Variants in DAB1 observed in about 807,000 individuals in gnomAD.
The protein encoded by DAB1 is disabled homolog 1.
In DAB1, 15 loss-of-function variants were observed where a neutral mutation model predicts 64.6. The ratio of observed to expected loss-of-function variants is 0.23; its 90% CI spans 0.16 to 0.36. The LOEUF is 0.36. Ranked by LOEUF, DAB1 falls within the 10% of genes least tolerant of loss-of-function variation. The pLI, the probability that DAB1 is intolerant of heterozygous loss-of-function variation, is 1.00. For synonymous variants in DAB1, 235 were observed against 251.9 expected, an observed-to-expected ratio of 0.93 and a Z score of 0.64; for missense variants, 596 against 706.7, an observed-to-expected ratio of 0.84 and a Z score of 1.78.
At chr1:57,596,513 G>A (rs531824561) in intron 7 of DAB1, among the ~76,000 whole-genome samples, 51 of 151,436 alleles carry the variant, frequency 3.4e-4, no homozygotes, top group African/African-American at 8.0e-4. Flanking sequence ...TTAAAGAGCC[G>A]ATTACATGCC....
chr1:57,778,581 C>A, intron 6 of DAB1, among the ~76,000 whole-genome samples: 1 of 152,022 alleles, frequency 6.6e-6, no homozygotes, highest in Non-Finnish European at 1.5e-5. Context: ...ATTACTCTAA[C>A]ACATCTGGAG....
chr1:57,821,393 A>C (rs1652112329), downstream of DAB1, among the ~76,000 whole-genome samples: 1 of 151,972 alleles, frequency 6.6e-6, no homozygotes, highest in African/African-American at 2.4e-5. Context: ...TATCAAAAGC[A>C]GAGGCAATGA....
chr1:58,458,359 G>A (rs1645210920), intron 3 of DAB1, among the ~76,000 whole-genome samples: 1 of 152,184 alleles, frequency 6.6e-6, no homozygotes, highest in Non-Finnish European at 1.5e-5. Context: ...TTTGGAGATA[G>A]GTGTTGTTTC....
chr1:57,622,079 A>C (rs1435290684), intron 7 of DAB1, among the ~76,000 whole-genome samples: 1 of 152,228 alleles, frequency 6.6e-6, no homozygotes, highest in Non-Finnish European at 1.5e-5. Flanking sequence ...TTAAAGAAAC[A>C]TACAACAAAA....
chr1:57,392,164 G>A (rs1464438360), intron 1 of DAB1, among the ~76,000 whole-genome samples: 1 of 152,142 alleles, frequency 6.6e-6, no homozygotes, highest in Non-Finnish European at 1.5e-5. Context: ...ACAAGATCAG[G>A]AGATCGAGAC....
chr1:58,319,568 C>T (rs1662636997), intron 4 of DAB1, among the ~76,000 whole-genome samples: 1 of 152,188 alleles, frequency 6.6e-6, no homozygotes, highest in Non-Finnish European at 1.5e-5. Context: ...TGCAGAATGA[C>T]TTCTCTTTAT....
At chr1:57,606,559 ATATAT>A (rs796753817) in intron 7 of DAB1, among the ~76,000 whole-genome samples, 3 of 76,444 alleles carry the variant, frequency 3.9e-5, no homozygotes, top group East Asian at 4.4e-4. Flanking sequence ...ATAATATATT[ATATAT>A]TATATATGAA....
intron 5 of DAB1, among the ~76,000 whole-genome samples, chr1:58,087,321 A>G (rs1650379709): frequency 6.6e-6 from 1 of 152,228 alleles, no homozygotes; most frequent in African/African-American, 2.4e-5. Context: ...TTAACTTTCA[A>G]AGGAGGAGCA....
chr1:57,076,015 G>A (rs1281236846), intron 4 of DAB1, among the ~76,000 whole-genome samples: 1 of 152,162 alleles, frequency 6.6e-6, no homozygotes, highest in Non-Finnish European at 1.5e-5. Flanking sequence ...AGGGCTTGGG[G>A]TAAAGGCTGG....
intron 4 of DAB1, among the ~76,000 whole-genome samples, chr1:58,152,501 G>C (rs932432073): frequency 6.6e-6 from 1 of 152,182 alleles, no homozygotes; most frequent in Non-Finnish European, 1.5e-5. Flanking sequence ...ACCCTTCAAA[G>C]TACTACCTGT....
At chr1:57,454,811 A>ATAT (rs1686522249) in intron 7 of DAB1, among the ~76,000 whole-genome samples, 1 of 152,144 alleles carries the variant, frequency 6.6e-6, no homozygotes, top group East Asian at 1.9e-4. Flanking sequence ...GACCTTTACT[A>ATAT]TATGCCTACA....
intron 1 of DAB1, among the ~76,000 whole-genome samples, chr1:57,344,767 G>C (rs1200912885): frequency 6.6e-6 from 1 of 152,100 alleles, no homozygotes; most frequent in Non-Finnish European, 1.5e-5. Flanking sequence ...ACACAGACGT[G>C]GGCTTGATTC....
intron 4 of DAB1, among the ~76,000 whole-genome samples, chr1:57,116,473 AAAAAAAAAAAG>A (rs942392068): frequency 6.8e-6 from 1 of 147,928 alleles, no homozygotes; most frequent in African/African-American, 2.5e-5. Flanking sequence ...AAAAAAAAAA[AAAAAAAAAAAG>A]AAAGAAAGCA....
At chr1:57,015,464 C>T (rs1646399921) in intron 11 of DAB1, 33 bp from the exon 12 acceptor site, 9 of 1,560,474 alleles carry the variant, frequency 5.8e-6, no homozygotes, top group Non-Finnish European at 7.8e-6. Context: ...TCAGGTGTTT[C>T]CCTGGTGTCC....
At chr1:57,510,149 C>T (rs1439384213) in intron 7 of DAB1, among the ~76,000 whole-genome samples, 2 of 152,264 alleles carry the variant, frequency 1.3e-5, no homozygotes, top group South Asian at 4.1e-4. Flanking sequence ...CTGCAGTTCC[C>T]TTCCACATTC....
At chr1:58,094,453 T>C (rs1015974662) in intron 5 of DAB1, among the ~76,000 whole-genome samples, 1 of 152,220 alleles carries the variant, frequency 6.6e-6, no homozygotes, top group African/African-American at 2.4e-5. Flanking sequence ...CAGAACAACA[T>C]GATGATGAAG....
intron 7 of DAB1, among the ~76,000 whole-genome samples, chr1:57,463,098 A>G (rs1287906177): frequency 6.6e-6 from 1 of 152,198 alleles, no homozygotes; most frequent in Non-Finnish European, 1.5e-5. Flanking sequence ...TACCTTTAAA[A>G]AGCATCTATT....
chr1:58,124,035 T>C (rs965702804), intron 5 of DAB1, among the ~76,000 whole-genome samples: 2 of 152,194 alleles, frequency 1.3e-5, no homozygotes, highest in African/African-American at 2.4e-5. Context: ...TCATAGTAAC[T>C]TGTCATCTCA....
chr1:57,705,673 C>T (rs952352436), intron 6 of DAB1, among the ~76,000 whole-genome samples: 15 of 152,064 alleles, frequency 9.9e-5, no homozygotes, highest in African/African-American at 3.4e-4. Flanking sequence ...TAATTCTGAT[C>T]ACTTTGCTGC....
Sources: allele counts gnomAD v4.1 joint callset (sites outside exome capture counted in the v4.1 genomes callset), GRCh38; gene constraint gnomAD v4.1.1; transcripts MANE v1.5; gene names NCBI Gene and HGNC (gene_info 2026-07-23, HGNC 2026-07-21).